The following HCLS1 variants were observed in gnomAD, a reference collection of about 807,000 sequenced individuals.
HCLS1 encodes hematopoietic cell-specific Lyn substrate 1, also known as hematopoietic lineage cell-specific protein.
HCLS1 carries 44 observed loss-of-function variants against 68.6 expected under a neutral mutation model. The observed-to-expected ratio is 0.64, with a 90% CI of 0.50 to 0.82. HCLS1 has a LOEUF of 0.82. Ranked by LOEUF, HCLS1 falls within the 40% of genes least tolerant of loss-of-function variation. HCLS1 has a pLI of 0.00. For synonymous variants in HCLS1, 217 were observed against 225.8 expected, an observed-to-expected ratio of 0.96 and a Z score of 0.35; for missense variants, 602 against 612.1, an observed-to-expected ratio of 0.98 and a Z score of 0.17.
At position 121,632,456 on chromosome 3, in the gene HCLS1, G is replaced by GGGCTCA. The variant is rs768695965; in HGVS notation, c.1110_1115dup (p.Pro374_Glu375dup). On this transcript the variant is annotated inframe_insertion, in exon 12 of 14. Transcript: ENST00000314583. ...CGTCCTCATAGTCATTCTCAGGCTC[G>GGGCTCA]GGCTCAGGCTCGGGCTCAGGCTCAG... 2 of 1,612,650 alleles carry GGGCTCA rather than the reference G, an allele frequency of 1.2e-6. No individual in the cohort carries two copies. Among genetic ancestry groups the GGGCTCA allele is most frequent in the East Asian group, 4.5e-5 (2 of 44,840 alleles).
intron 6 of HCLS1, among the ~76,000 whole-genome samples, chr3:121,638,229 T>C (rs1199027831): frequency 6.6e-6 from 1 of 151,998 alleles, no homozygotes; most frequent in African/African-American, 2.4e-5. Flanking sequence ...GACTTGCTAA[T>C]TTAAAAAAAA....
rs551040701 is a variant in HCLS1, at chr3:121,631,773, G to A, written c.*73C>T. On this transcript the variant is annotated 3_prime_UTR_variant, in exon 14 of 14. Transcript: ENST00000314583. ...TCATCTGGTTAGACATTTGCAGCAG[G>A]AATAGGGAGGGGGTGGAGGCAGAGC... 3.7e-5 allele frequency: 56 copies of A among 1,523,194 alleles called. No homozygotes were observed. The East Asian group carries it at 1.3e-3, about 34-fold the overall frequency. The allele number at this position is 1,523,194 out of a possible 1,614,324, so 94.4% of individuals were successfully genotyped here. A position where few individuals can be genotyped will look rare whatever the true frequency, so the allele number is the denominator to read the frequency against.
At chr3:121,646,728 AAT>A (rs1421862874) in intron 4 of HCLS1, among the ~76,000 whole-genome samples, 1 of 130,712 alleles carries the variant, frequency 7.7e-6, no homozygotes, top group Non-Finnish European at 1.6e-5. Context: ...ACATATATAA[AAT>A]ATATAAGTAT....
intron 7 of HCLS1, among the ~76,000 whole-genome samples, chr3:121,636,906 C>T (rs926210322): frequency 7.9e-5 from 12 of 152,054 alleles, no homozygotes; most frequent in East Asian, 5.8e-4. Flanking sequence ...CCTTCCTCAA[C>T]GCCCCCTTCT....
chr3:121,644,887 G>C lies in HCLS1; in HGVS notation c.330C>G (p.His110Gln), dbSNP rs2049231068. The C allele has an allele frequency of 6.2e-7, 1 of 1,613,926 alleles. No homozygotes were observed. Among genetic ancestry groups the C allele is most frequent in the Non-Finnish European group, 8.5e-7 (1 of 1,179,954 alleles). The change falls in exon 5 of 14, where the codon CAC becomes CAG. Residue 110 changes from histidine to glutamine, a missense_variant. By Grantham distance (24) the His-to-Gln change is conservative (BLOSUM62 0). Coordinates refer to ENST00000314583, the MANE Select transcript of HCLS1 (RefSeq NM_005335.6). ...CTTTGGCAGCATCCGTCTGAGAAGA[G>C]TGCTTCTCCACCTCGGCAACATACT... ...GHEYVAEVEK[H>Q]SSQTDAAKGF...
intron 4 of HCLS1, among the ~76,000 whole-genome samples, chr3:121,645,708 C>A (rs2049240108): frequency 6.6e-6 from 1 of 151,426 alleles, no homozygotes; most frequent in South Asian, 2.1e-4. Context: ...AATATGTGGA[C>A]ATTATATTTT....
intron 12 of HCLS1, 59 bp from the exon 13 acceptor site, chr3:121,632,243 G>C: frequency 1.2e-6 from 2 of 1,604,100 alleles, no homozygotes; most frequent in South Asian, 1.1e-5. Context: ...AACAGAGAAA[G>C]ATCCTACTGG....
At chr3:121,637,124 C>T in intron 7 of HCLS1, 22 bp downstream of exon 7, 6 of 1,507,210 alleles carry the variant, frequency 4.0e-6, no homozygotes, top group Non-Finnish European at 2.8e-6. Context: ...CTGTGACCTT[C>T]CCCCTTCCAA....
chr3:121,654,661 T>C (rs1937822268), intron 3 of HCLS1, among the ~76,000 whole-genome samples: 2 of 152,220 alleles, frequency 1.3e-5, no homozygotes. Context: ...CATCACGGTG[T>C]GGGGAAGGTA....
rs1462605651 is a variant in HCLS1 at position 121,631,993 on chromosome 3, A to G, written c.1325-11T>C. ...GCTCATCACTTCCCTCTGGGGAGAA[A>G]GTTGAGGGGATATTAGAATGGTCAG... On this transcript the variant is annotated splice_polypyrimidine_tract_variant and intron_variant, in intron 13 of 13. Transcript: ENST00000314583. 6 of 1,614,170 alleles carry G rather than the reference A, an allele frequency of 3.7e-6. No individual in the cohort carries two copies. Among genetic ancestry groups the G allele is most frequent in the Non-Finnish European group, 5.1e-6 (6 of 1,180,018 alleles).
chr3:121,657,140 T>C (rs1937889729), intron 3 of HCLS1, 139 bp downstream of exon 3: 1 of 688,396 alleles, frequency 1.5e-6, no homozygotes, highest in African/African-American at 1.8e-5. Flanking sequence ...GAACAGACTC[T>C]AGAAAAAAAA....
intron 3 of HCLS1, among the ~76,000 whole-genome samples, chr3:121,656,607 G>A (rs1409017294): frequency 6.6e-6 from 1 of 152,106 alleles, no homozygotes. Context: ...ATGCATATGG[G>A]GCTATAATCT....
intron 3 of HCLS1, chr3:121,653,835 G>A (rs1424045137): frequency 6.6e-6 from 1 of 152,212 alleles, no homozygotes; most frequent in Non-Finnish European, 1.5e-5. Flanking sequence ...TCCAGGAAGT[G>A]CTGAAAGATT....
Position 121,632,167 on chromosome 3 carries a change from C to T in HCLS1, c.1258G>A (p.Ala420Thr). ...SALAGSSGCPAGAGAGAVALG... is the reference protein window; with the variant it reads ...SALAGSSGCPTGAGAGAVALG... Reference sequence around the variant, plus strand: ...GCCACAGCCCCAGCCCCAGCCCCAGCCGGGCAGCCTGATGATCCTGCATAA... The same window carrying T: ...GCCACAGCCCCAGCCCCAGCCCCAGTCGGGCAGCCTGATGATCCTGCATAA... The change falls in exon 13 of 14, where the codon GCT becomes ACT. Residue 420 changes from alanine (A) to threonine (T), a missense_variant. Transcript: ENST00000314583. The T allele has an allele frequency of 6.2e-7, 1 of 1,614,086 alleles. No homozygotes were observed. Among genetic ancestry groups the T allele is most frequent in the Non-Finnish European group, 8.5e-7 (1 of 1,180,010 alleles).
At chr3:121,633,218 C>CT in intron 10 of HCLS1, 47 bp from the exon 11 acceptor site, 2 of 1,253,088 alleles carry the variant, frequency 1.6e-6, no homozygotes, top group Non-Finnish European at 2.2e-6. Context: ...TCCATCTTCA[C>CT]TCCTTTTTTT....
intron 3 of HCLS1, among the ~76,000 whole-genome samples, chr3:121,655,892 T>C (rs1937855874): frequency 6.6e-6 from 1 of 151,594 alleles, no homozygotes; most frequent in African/African-American, 2.4e-5. Context: ...TCTATCACCC[T>C]GGCTGGAGTG....
chr3:121,633,243 TC>T, intron 10 of HCLS1, 72 bp from the exon 11 acceptor site: 1 of 957,112 alleles, frequency 1.0e-6, no homozygotes, highest in South Asian at 1.5e-5. Context: ...TGAGATAGAC[TC>T]TCGCTCTGTA....
chr3:121,646,372 T>A (rs7628179), intron 4 of HCLS1, among the ~76,000 whole-genome samples: 22,706 of 88,268 alleles, frequency 0.26, 2,467 homozygotes, highest in East Asian at 0.5. Flanking sequence ...TATTACATAT[T>A]ATTACTATGT....
At chr3:121,645,785 A>G (rs1340726285) in intron 4 of HCLS1, among the ~76,000 whole-genome samples, 1 of 150,176 alleles carries the variant, frequency 6.7e-6, no homozygotes, top group Non-Finnish European at 1.5e-5. Flanking sequence ...GTCAAAAAAT[A>G]TATATTTTGA....
Sources: gnomAD v4.1 joint callset for allele counts (sites outside exome capture counted in the v4.1 genomes callset) on GRCh38, gnomAD v4.1.1 for gene constraint, MANE v1.5 for transcripts, NCBI Gene and HGNC (gene_info 2026-07-23, HGNC 2026-07-21) for gene names.